The following MTBP variants were observed in gnomAD, a reference collection of about 807,000 sequenced individuals.
MTBP encodes the protein MDM2 binding protein, also known as mdm2-binding protein.
Under a neutral mutation model 117.0 loss-of-function variants are expected in MTBP, and 101 were observed. The ratio of observed to expected loss-of-function variants is 0.86; its 90% confidence interval spans 0.73 to 1.02. MTBP has a LOEUF of 1.02. MTBP is among the 50% of genes least tolerant of loss of function. MTBP has a pLI of 0.00. For missense variants in MTBP, 970 were observed against 1,030.9 expected (o/e 0.94, Z 0.81); for synonymous variants, 350 against 351.5 (o/e 1.00, Z 0.05).
At chr8:120,461,055 A>C (rs1247314197) in intron 8 of MTBP, 106 bp from the exon 9 acceptor site, 4 of 735,810 alleles carry the variant, frequency 5.4e-6, no homozygotes, top group Non-Finnish European at 6.7e-6. Context: ...AATGTGTAAA[A>C]AGTTGCTTTT....
rs6984090 is a variant in MTBP, at chr8:120,459,121, A to T, written c.748-94A>T. On this transcript the variant is annotated intron_variant, in intron 7 of 21. Coordinates refer to ENST00000305949, the MANE Select transcript of MTBP (RefSeq NM_022045.5). ...GAATCAAAAATAAATTTATACATGGATTTCCCCTCAACTTTTACATTGTAA... is the reference window on the plus strand; with the variant it reads ...GAATCAAAAATAAATTTATACATGGTTTTCCCCTCAACTTTTACATTGTAA... 3.0e-5 allele frequency: 32 copies of T among 1,082,024 alleles called. No homozygotes were observed. The South Asian group carries it at 4.6e-4, about 15-fold the overall frequency. The allele number at this position is 1,082,024 out of a possible 1,614,324, so 67.0% of individuals were successfully genotyped here.
chr8:120,463,901 G>C (rs1419236903), intron 10 of MTBP, 140 bp downstream of exon 10: 1 of 693,102 alleles, frequency 1.4e-6, no homozygotes, highest in East Asian at 2.6e-5. Flanking sequence ...GATAATTTTG[G>C]TCCTAACTCA....
Position 120,518,832 on chromosome 8 carries a change from C to G in MTBP, c.2610+15C>G, listed in dbSNP as rs748405075. 9 of 1,537,018 alleles carry G rather than the reference C, an allele frequency of 5.9e-6. No homozygotes were observed. The highest frequency in any genetic ancestry group is 7.1e-6 in the Non-Finnish European group (8 of 1,126,308). ...TCTATCTAAAGGTACGGTATCTTCTCTACTAATGGCAAAATTTAGTTCATG... is the reference window on the plus strand; with the variant it reads ...TCTATCTAAAGGTACGGTATCTTCTGTACTAATGGCAAAATTTAGTTCATG... On this transcript the variant is annotated intron_variant, in intron 20 of 21. Transcript: ENST00000305949.
chr8:120,511,919 C>G (rs1381698798), intron 17 of MTBP, among the ~76,000 whole-genome samples: 5 of 152,182 alleles, frequency 3.3e-5, no homozygotes, highest in Admixed American at 3.3e-4. Flanking sequence ...AAAATATTGA[C>G]TCTGCTATGA....
At chr8:120,460,595 A>C (rs1298579666) in intron 8 of MTBP, among the ~76,000 whole-genome samples, 1 of 152,148 alleles carries the variant, frequency 6.6e-6, no homozygotes, top group East Asian at 1.9e-4. Context: ...TTACCCAAGA[A>C]ATACAGTACC....
chr8:120,480,761 T>A (rs1185346040), intron 11 of MTBP, among the ~76,000 whole-genome samples: 3 of 152,060 alleles, frequency 2.0e-5, no homozygotes, highest in African/African-American at 7.2e-5. Flanking sequence ...TATAACTTAA[T>A]TCAAGAGCTA....
In MTBP at chr8:120,516,174, C is replaced by T. The variant is rs775004292; in HGVS notation, c.2229C>T (p.Cys743=). The change falls in exon 18 of 22, where the codon TGC becomes TGT. Residue 743 remains cysteine, a synonymous_variant. Coordinates refer to ENST00000305949, the MANE Select transcript of MTBP (RefSeq NM_022045.5). Reference sequence around the variant, plus strand: ...AACGGAGATCTAAAGATCTGAATTGCCTTTATCCCAGAAAAAGGTGATATA... The same window carrying T: ...AACGGAGATCTAAAGATCTGAATTGTCTTTATCCCAGAAAAAGGTGATATA... ...RLKRRSKDLN[C]LYPRKRLVKS... 6.2e-7 allele frequency: 1 copy of T among 1,611,138 alleles called. No individual in the cohort carries two copies. Among genetic ancestry groups the T allele is most frequent in the East Asian group, 2.2e-5 (1 of 44,824 alleles).
At chr8:120,463,660 C>T in intron 9 of MTBP, 32 bp from the exon 10 acceptor site, 1 of 1,518,038 alleles carries the variant, frequency 6.6e-7, no homozygotes, top group Non-Finnish European at 9.0e-7. Context: ...TCATGGGTAC[C>T]ATTACATCAT....
rs532304874 is a variant in MTBP, at chr8:120,453,488, G to T, written c.426-359G>T. On this transcript the variant is annotated intron_variant, in intron 4 of 21. Coordinates refer to ENST00000305949, the MANE Select transcript of MTBP (RefSeq NM_022045.5). ...CCAAAAATAAATAAATAAATAAAAGGTTCCAAAAAAAGTTTGGTCTGTTAG... is the reference window on the plus strand; with the variant it reads ...CCAAAAATAAATAAATAAATAAAAGTTTCCAAAAAAAGTTTGGTCTGTTAG... 1.4e-4 allele frequency among the ~76,000 whole-genome samples: 21 copies of T among 151,900 alleles called. No homozygotes were observed. The South Asian group carries it at 4.4e-3, about 32-fold the overall frequency.
chr8:120,476,680 G>C (rs1205757302), intron 11 of MTBP, among the ~76,000 whole-genome samples: 1 of 151,078 alleles, frequency 6.6e-6, no homozygotes, highest in African/African-American at 2.4e-5. Context: ...AAATACCTAG[G>C]AATACAACTT....
intron 20 of MTBP, among the ~76,000 whole-genome samples, chr8:120,521,872 A>G (rs1218262050): frequency 0.014 from 1,519 of 105,894 alleles, 2 homozygotes; most frequent in Middle Eastern, 0.038. Flanking sequence ...ACGGTGGAGG[A>G]TGGGAGAGTA....
intron 5 of MTBP, 96 bp downstream of exon 5, chr8:120,454,001 C>G (rs1411697366): frequency 1.5e-6 from 1 of 650,586 alleles, no homozygotes; most frequent in East Asian, 3.1e-5. Context: ...TGTTCTCACT[C>G]TAATCTTTAA....
chr8:120,509,970 T>C lies in MTBP; in HGVS notation c.1920T>C (p.Pro640=), dbSNP rs931605227. ...KTFVLTPELS[P]GKLQVLPFEK... ...TTGTTTTGACACCAGAACTTAGTCC[T>C]GGGAAACTTCAGGTCTTACCTTTTG... The change falls in exon 17 of 22, where the codon CCT becomes CCC. Residue 640 remains proline (P), a synonymous_variant. Coordinates refer to ENST00000305949, the MANE Select transcript of MTBP (RefSeq NM_022045.5). 6.2e-7 allele frequency: 1 copy of C among 1,612,410 alleles called. No individual in the cohort carries two copies. The highest frequency in any genetic ancestry group is 8.5e-7 in the Non-Finnish European group (1 of 1,179,168).
rs1406827697 is a variant in MTBP, at chr8:120,522,833, T to C, written c.2676+114T>C. 5 of 734,840 alleles carry C rather than the reference T, an allele frequency of 6.8e-6. No homozygotes were observed. The East Asian group carries it at 1.1e-4, about 17-fold the overall frequency. The allele number at this position is 734,840 out of a possible 1,614,324, so 45.5% of individuals were successfully genotyped here. On this transcript the variant is annotated intron_variant, in intron 21 of 21. Transcript: ENST00000305949. ...ATCAGTTACTGGTCTTTTTCAACTC[T>C]GTCCCTATGAAAACTCTTTAAGAAA...
At chr8:120,472,600 A>T (rs975870875) in intron 11 of MTBP, 3 of 152,250 alleles carry the variant, frequency 2.0e-5, no homozygotes, top group African/African-American at 7.2e-5. Context: ...GTTTAGTCTT[A>T]GAGCCTTTTC....
intron 8 of MTBP, 37 bp from the exon 9 acceptor site, chr8:120,461,124 G>T (rs1294250669): frequency 1.4e-6 from 2 of 1,397,958 alleles, no homozygotes; most frequent in Admixed American, 1.7e-5. Flanking sequence ...TTTGTTTATG[G>T]TATTTAAATA....
At chr8:120,486,227 C>T (rs1305304317) in intron 11 of MTBP, among the ~76,000 whole-genome samples, 1 of 151,994 alleles carries the variant, frequency 6.6e-6, no homozygotes, top group Non-Finnish European at 1.5e-5. Flanking sequence ...TGCTTATTAC[C>T]AAGTCTCCAT....
chr8:120,489,852 G>C (rs1238288844), intron 12 of MTBP, among the ~76,000 whole-genome samples: 2 of 152,122 alleles, frequency 1.3e-5, no homozygotes, highest in African/African-American at 4.8e-5. Context: ...TATTTCAGGG[G>C]CCATGTGACT....
chr8:120,488,440 C>T (rs918699860), intron 12 of MTBP, 108 bp downstream of exon 12: 13 of 776,404 alleles, frequency 1.7e-5, no homozygotes, highest in Middle Eastern at 3.7e-4. Context: ...AATTTATTTT[C>T]GCCAAACTCC....
Sources: gnomAD v4.1 joint callset for allele counts (sites outside exome capture counted in the v4.1 genomes callset) on GRCh38, gnomAD v4.1.1 for gene constraint, MANE v1.5 for transcripts, NCBI Gene and HGNC (gene_info 2026-07-23, HGNC 2026-07-21) for gene names.